The following COL4A6 variants were observed in gnomAD, a reference collection of about 807,000 sequenced individuals.
COL4A6 encodes collagen alpha-6(IV) chain.
A neutral mutation model predicts 126.7 loss-of-function variants in COL4A6; 59 were observed. That is an observed-to-expected ratio of 0.47 (90% CI 0.38 to 0.58). The LOEUF is 0.58. COL4A6 is among the 20% of genes least tolerant of loss of function. The probability of loss-of-function intolerance (pLI) is 0.00; values close to 1 mark genes in which losing one functional copy is unlikely to be tolerated. For synonymous variants in COL4A6, 547 were observed against 496.6 expected, an observed-to-expected ratio of 1.10 and a Z score of -1.35; for missense variants, 1,285 against 1,337.3, an observed-to-expected ratio of 0.96 and a Z score of 0.61.
At chrX:108,376,173 T>C (rs1217773399) in intron 2 of COL4A6, among the ~76,000 whole-genome samples, 1 of 112,007 alleles carries the variant, frequency 8.9e-6, no homozygotes, top group African/African-American at 3.2e-5. Flanking sequence ...ATGATTATTT[T>C]TTTCTGTTTG....
At chrX:108,291,194 T>C (rs2038153147) in intron 3 of COL4A6, among the ~76,000 whole-genome samples, 1 of 112,022 alleles carries the variant, frequency 8.9e-6, no homozygotes, top group Non-Finnish European at 1.9e-5. Flanking sequence ...AGGACCTTAT[T>C]TACTGATACT....
At chrX:108,212,313 T>A (rs2035732040) in intron 6 of COL4A6, among the ~76,000 whole-genome samples, 1 of 110,910 alleles carries the variant, frequency 9.0e-6, no homozygotes, top group South Asian at 3.9e-4. Context: ...TCTACAAAAC[T>A]ACCTTCATCC....
chrX:108,313,152 G>A (rs2038800087), intron 2 of COL4A6, among the ~76,000 whole-genome samples: 1 of 112,089 alleles, frequency 8.9e-6, no homozygotes, highest in African/African-American at 3.2e-5. Flanking sequence ...TTACAGTGAG[G>A]TGGGAGGAGT....
chrX:108,332,425 C>T lies in COL4A6; in HGVS notation c.64-21597G>A, dbSNP rs189705213. Among the ~76,000 whole-genome samples the T allele has an allele frequency of 1.4e-3, 153 of 111,853 alleles. No homozygotes were observed. In the East Asian group the frequency reaches 0.035, roughly 25 times the overall value. Reference sequence around the variant, plus strand: ...CTATTTTTACTTCTTTGCGAAACTTCCTATACTGCTTTCCATACCAGTTGT... The same window carrying T: ...CTATTTTTACTTCTTTGCGAAACTTTCTATACTGCTTTCCATACCAGTTGT... On this transcript the variant is annotated intron_variant, in intron 2 of 44. Coordinates refer to ENST00000334504, the MANE Select transcript of COL4A6 (RefSeq NM_033641.4).
chrX:108,264,670 G>A (rs995765397), intron 3 of COL4A6, among the ~76,000 whole-genome samples: 8 of 111,694 alleles, frequency 7.2e-5, no homozygotes, highest in Non-Finnish European at 1.1e-4. Context: ...TTCTAAAAAA[G>A]GGCTTCTTTC....
intron 8 of COL4A6, among the ~76,000 whole-genome samples, chrX:108,207,676 T>C (rs1046252490): frequency 2.8e-4 from 31 of 111,818 alleles, no homozygotes; most frequent in Non-Finnish European, 5.1e-4. Context: ...ACGCAAATTC[T>C]TTTTTGTTAC....
In COL4A6 at chrX:108,206,502, C is replaced by T. The variant is rs1291294218; in HGVS notation, c.609+16G>A. 2 of 1,201,347 alleles carry T rather than the reference C, an allele frequency of 1.7e-6. No individual in the cohort carries two copies. Among genetic ancestry groups the T allele is most frequent in the South Asian group, 1.8e-5 (1 of 56,551 alleles). On this transcript the variant is annotated intron_variant, in intron 9 of 44. Transcript: ENST00000334504. ...GTGAACACTGTGATCACAAACTAGG[C>T]TTAAATTGATCTTACTTGTAATCCT...
intron 22 of COL4A6, 99 bp from the exon 23 acceptor site, chrX:108,187,378 TTG>T (rs1330551959): frequency 2.9e-6 from 2 of 693,238 alleles, no homozygotes; most frequent in Non-Finnish European, 4.0e-6. Flanking sequence ...GACCAATGCT[TTG>T]TGTTTTGTTA....
intron 44 of COL4A6, 79 bp downstream of exon 44, chrX:108,159,383 C>G: frequency 9.4e-7 from 1 of 1,066,145 alleles, no homozygotes; most frequent in South Asian, 2.0e-5. Context: ...TGCTTTCTAC[C>G]TGGTGTCCCT....
chrX:108,217,377 A>G (rs867717702), intron 5 of COL4A6, among the ~76,000 whole-genome samples: 9 of 111,457 alleles, frequency 8.1e-5, no homozygotes, highest in Middle Eastern at 4.7e-3. Flanking sequence ...GACTAGGCCT[A>G]TGGTGTCTGT....
chrX:108,191,439 A>G lies in COL4A6; in HGVS notation c.1275T>C (p.Pro425=), dbSNP rs1413665360. 2 of 1,211,659 alleles carry G rather than the reference A, an allele frequency of 1.7e-6. No individual in the cohort carries two copies. The highest frequency in any genetic ancestry group is 1.8e-5 in the South Asian group (1 of 56,945). ...GRTTIGAAGL[P]GRDGLPGPPG... is the part of the protein sequence containing the mutation. ...GTGGGCCTGGCAAACCATCTCTGCC[A>G]GGGAGGCCAGCTGCTCCAATTGTGG... The change falls in exon 19 of 45, where the codon CCT becomes CCC. Residue 425 remains proline (P), a synonymous_variant. Coordinates refer to ENST00000334504, the MANE Select transcript of COL4A6 (RefSeq NM_033641.4).
rs772976150 is a variant in COL4A6 at position 108,188,681 on chromosome X, G to A, written c.1427-4C>T. On this transcript the variant is annotated splice_region_variant and splice_polypyrimidine_tract_variant and intron_variant, in intron 20 of 44. Transcript: ENST00000334504. Reference sequence around the variant, plus strand: ...CAAGCACAGAAACCTGAGTCTCCTGGGAGAAAAAGACAACATAGAACGAAG... The same window carrying A: ...CAAGCACAGAAACCTGAGTCTCCTGAGAGAAAAAGACAACATAGAACGAAG... 10 of 1,139,278 alleles carry A rather than the reference G, an allele frequency of 8.8e-6. No individual in the cohort carries two copies. The highest frequency in any genetic ancestry group is 1.2e-5 in the Non-Finnish European group (10 of 860,261). The allele number at this position is 1,139,278 out of a possible 1,213,427, so 93.9% of individuals were successfully genotyped here.
At chrX:108,237,531 C>G in intron 3 of COL4A6, among the ~76,000 whole-genome samples, 1 of 112,057 alleles carries the variant, frequency 8.9e-6, no homozygotes, top group Non-Finnish European at 1.9e-5. Flanking sequence ...ATCCATCTTT[C>G]AAAGCTCAGC....
In COL4A6 at chrX:108,237,203, C is replaced by T. The variant is rs776151535; in HGVS notation, c.145-15829G>A. On this transcript the variant is annotated intron_variant, in intron 3 of 44. Coordinates refer to ENST00000334504, the MANE Select transcript of COL4A6 (RefSeq NM_033641.4). ...CCAGTCAAACATTGCAGCAATCTAT[C>T]TAACACTCTGTGACAGTAATTGTCC... Among the ~76,000 whole-genome samples the T allele has an allele frequency of 5.4e-5, 6 of 111,608 alleles. No individual in the cohort carries two copies. The Admixed American group carries it at 5.7e-4, about 11-fold the overall frequency.
In COL4A6 at chrX:108,190,639, G is replaced by A. The variant is rs757955237; in HGVS notation, c.1322-143C>T. 2.0e-3 allele frequency: 766 copies of A among 392,648 alleles called. 1 individual carries two copies. The highest frequency in any genetic ancestry group is 2.2e-3 in the Non-Finnish European group (490 of 226,048). 32.4% of individuals were successfully genotyped at this position (392,648 alleles called of 1,213,427 possible). A position where few individuals can be genotyped will look rare whatever the true frequency, so the allele number is the denominator to read the frequency against. On this transcript the variant is annotated intron_variant, in intron 19 of 44. Transcript: ENST00000334504. ...AGACAAAAAAATAAAATTCAAGACCGGGACCCCAAATCTGCAGCAAGGAGT... is the reference window on the plus strand; with the variant it reads ...AGACAAAAAAATAAAATTCAAGACCAGGACCCCAAATCTGCAGCAAGGAGT...
chrX:108,171,301 A>G, intron 33 of COL4A6, 86 bp downstream of exon 33: 2 of 812,567 alleles, frequency 2.5e-6, no homozygotes, highest in South Asian at 4.7e-5. Flanking sequence ...AAGTTGCAGA[A>G]CTTGGGGTTG....
intron 2 of COL4A6, among the ~76,000 whole-genome samples, chrX:108,398,178 A>T (rs923412139): frequency 8.9e-6 from 1 of 112,284 alleles, no homozygotes; most frequent in South Asian, 3.7e-4. Context: ...TGATGAATCA[A>T]TCTTCGCAAA....
At chrX:108,265,576 C>T (rs2037279672) in intron 3 of COL4A6, among the ~76,000 whole-genome samples, 1 of 110,534 alleles carries the variant, frequency 9.0e-6, no homozygotes, top group Non-Finnish European at 1.9e-5. Context: ...TACAGTAAGT[C>T]ATATTCAAGT....
chrX:108,283,357 T>C (rs1233488384), intron 3 of COL4A6, among the ~76,000 whole-genome samples: 1 of 110,855 alleles, frequency 9.0e-6, no homozygotes, highest in Non-Finnish European at 1.9e-5. Flanking sequence ...AGTTTTGCAG[T>C]TTATTTCTCT....
Sources: gnomAD v4.1 joint callset for allele counts (sites outside exome capture counted in the v4.1 genomes callset) on GRCh38, gnomAD v4.1.1 for gene constraint, MANE v1.5 for transcripts, NCBI Gene and HGNC (gene_info 2026-07-23, HGNC 2026-07-21) for gene names.